The following DAAM2 variants were observed in gnomAD, a reference collection of about 807,000 sequenced individuals.
DAAM2 encodes the protein dishevelled associated activator of morphogenesis 2.
In DAAM2, 39 loss-of-function variants were observed where a neutral mutation model predicts 120.7. That is an observed-to-expected ratio of 0.32 (90% CI 0.25 to 0.42). The LOEUF (loss-of-function observed/expected upper bound fraction) is 0.42, where lower values mean the gene tolerates loss of function less well. DAAM2 is among the 10% of genes least tolerant of loss of function. The pLI is 1.00. For synonymous variants in DAAM2, 488 were observed against 524.9 expected (o/e 0.93, Z 0.96); for missense variants, 1,283 against 1,401.7 (o/e 0.92, Z 1.35).
At chr6:39,892,160 G>A (rs755017880) in intron 19 of DAAM2, among the ~76,000 whole-genome samples, 7 of 152,206 alleles carry the variant, frequency 4.6e-5, no homozygotes, top group Non-Finnish European at 7.3e-5. Flanking sequence ...AATTGCACAA[G>A]CTGATTTCTA....
At chr6:39,809,178 G>T (rs946687681) in intron 1 of DAAM2, among the ~76,000 whole-genome samples, 1 of 152,194 alleles carries the variant, frequency 6.6e-6, no homozygotes, top group Non-Finnish European at 1.5e-5. Context: ...GCCTGCTGGA[G>T]CTGTGCAGGA....
rs756496953 is a variant in DAAM2 at position 39,867,484 on chromosome 6, T to C, written c.429-26T>C. On this transcript the variant is annotated intron_variant, in intron 5 of 24. Coordinates refer to ENST00000274867, the MANE Select transcript of DAAM2 (RefSeq NM_001201427.2). Reference sequence around the variant, plus strand: ...GTACACAGAATCATATGCAAATATATGTTTGTTAATGGCTCTGATTTGTAG... The same window carrying C: ...GTACACAGAATCATATGCAAATATACGTTTGTTAATGGCTCTGATTTGTAG... 3.1e-6 allele frequency: 5 copies of C among 1,606,760 alleles called. No homozygotes were observed. In the South Asian group the frequency reaches 5.5e-5, roughly 18 times the overall value.
Position 39,881,490 on chromosome 6 carries a change from G to A in DAAM2, c.1845+2013G>A, listed in dbSNP as rs536757111. Among the ~76,000 whole-genome samples the A allele has an allele frequency of 2.0e-4, 31 of 152,234 alleles. 1 individual carries two copies. The highest frequency in any genetic ancestry group is 3.9e-4 in the Admixed American group (6 of 15,296). On this transcript the variant is annotated intron_variant, in intron 14 of 24. Transcript: ENST00000274867. The stretch of plus-strand genomic sequence containing the variant: ...TCCCAGCACTTGGGGAGGCCAAGGC[G>A]GGCAGATCACAAGGTCAGGAGTTTG...
intron 1 of DAAM2, among the ~76,000 whole-genome samples, chr6:39,810,069 A>G (rs967949704): frequency 5.9e-5 from 9 of 152,240 alleles, no homozygotes; most frequent in Non-Finnish European, 1.2e-4. Context: ...ATGACAATGC[A>G]TAAAAAGTGC....
At chr6:39,820,701 C>G (rs1042866466) in intron 1 of DAAM2, 2 of 152,192 alleles carry the variant, frequency 1.3e-5, no homozygotes, top group Non-Finnish European at 2.9e-5. Flanking sequence ...CCAGTAGAAT[C>G]AGTTTTGTTC....
intron 1 of DAAM2, among the ~76,000 whole-genome samples, chr6:39,853,911 G>A (rs190941112): frequency 1.3e-5 from 2 of 152,292 alleles, no homozygotes; most frequent in African/African-American, 2.4e-5. Context: ...CAATGGGCAG[G>A]GGACCCCAGG....
chr6:39,829,970 G>A (rs1337408360), intron 1 of DAAM2, among the ~76,000 whole-genome samples: 4 of 152,108 alleles, frequency 2.6e-5, no homozygotes, highest in African/African-American at 7.2e-5. Flanking sequence ...TCCCCACGCT[G>A]AGTTAGAGAC....
At chr6:39,853,580 G>A (rs1459789877) in intron 1 of DAAM2, among the ~76,000 whole-genome samples, 4 of 152,316 alleles carry the variant, frequency 2.6e-5, no homozygotes, top group South Asian at 2.1e-4. Context: ...GTAAACAGCC[G>A]GTGTAAGACT....
intron 1 of DAAM2, among the ~76,000 whole-genome samples, chr6:39,851,270 G>C (rs1763797204): frequency 6.6e-6 from 1 of 152,170 alleles, no homozygotes; most frequent in Non-Finnish European, 1.5e-5. Flanking sequence ...TTTAGAGTCA[G>C]ACAGTCCTGG....
At chr6:39,824,364 T>G (rs1173053128) in intron 1 of DAAM2, among the ~76,000 whole-genome samples, 2 of 152,200 alleles carry the variant, frequency 1.3e-5, no homozygotes. Context: ...ACCTGTTGGT[T>G]GCTGTGGCAT....
At position 39,901,234 on chromosome 6, in the gene DAAM2, T is replaced by C; in HGVS notation, c.2812-68T>C. On this transcript the variant is annotated intron_variant, in intron 23 of 24. Transcript: ENST00000274867. This position sits in a 1 kb window ranked among gnomAD's most constrained non-coding sequence, Gnocchi z 4.5. ...GGCTCTGCTCTGGCTAGAACCCAGC[T>C]AACCTCAGGGGCTGAGCCCAGCATG... The C allele has an allele frequency of 6.7e-7, 1 of 1,482,570 alleles. No homozygotes were observed. 91.8% of individuals were successfully genotyped at this position (1,482,570 alleles called of 1,614,324 possible). A position where few individuals can be genotyped will look rare whatever the true frequency, so the allele number is the denominator to read the frequency against.
At chr6:39,857,065 C>A (rs749753070) in intron 2 of DAAM2, among the ~76,000 whole-genome samples, 1 of 152,188 alleles carries the variant, frequency 6.6e-6, no homozygotes, top group South Asian at 2.1e-4. Flanking sequence ...GTGCTGATTC[C>A]GCAATGCCCG....
rs564100682 is a variant in DAAM2 at position 39,846,228 on chromosome 6, T to C, written c.-56-10019T>C. ...TGCACGTACCCAGCCCCAAGAGCAG[T>C]GCCGGGCATACAGTAGGTGCTAAAA... On this transcript the variant is annotated intron_variant, in intron 1 of 24. Coordinates refer to ENST00000274867, the MANE Select transcript of DAAM2 (RefSeq NM_001201427.2). 9.9e-5 allele frequency among the ~76,000 whole-genome samples: 15 copies of C among 152,200 alleles called. No homozygotes were observed. The East Asian group carries it at 2.9e-3, about 29-fold the overall frequency.
At chr6:39,891,522 G>A (rs1023565224) in intron 18 of DAAM2, 75 bp downstream of exon 18, 32 of 1,511,478 alleles carry the variant, frequency 2.1e-5, no homozygotes, top group Non-Finnish European at 2.7e-5. Context: ...TCTGCCAAGA[G>A]GAAGGGGATG....
chr6:39,892,959 C>T (rs1765826034), intron 19 of DAAM2, among the ~76,000 whole-genome samples: 1 of 152,226 alleles, frequency 6.6e-6, no homozygotes, highest in Non-Finnish European at 1.5e-5. Flanking sequence ...CTCTCTATTT[C>T]TAAGGTCTGG....
intron 1 of DAAM2, chr6:39,819,103 G>C (rs990491132): frequency 2.6e-5 from 4 of 152,146 alleles, no homozygotes; most frequent in Admixed American, 2.0e-4. Flanking sequence ...TCAGTGCTTT[G>C]GCCATTTTGC....
intron 1 of DAAM2, among the ~76,000 whole-genome samples, chr6:39,818,128 G>A (rs1450771044): frequency 6.7e-6 from 1 of 149,332 alleles, no homozygotes; most frequent in Non-Finnish European, 1.5e-5. Context: ...GCAGCGAGCC[G>A]AGGTGGCGTC....
intron 1 of DAAM2, among the ~76,000 whole-genome samples, chr6:39,810,398 G>A (rs1582602949): frequency 6.6e-6 from 1 of 152,208 alleles, no homozygotes; most frequent in African/African-American, 2.4e-5. Flanking sequence ...AATAGAAAAA[G>A]CAAATTCTAA....
intron 1 of DAAM2, among the ~76,000 whole-genome samples, chr6:39,846,085 G>A (rs1411366512): frequency 2.0e-5 from 3 of 152,106 alleles, no homozygotes; most frequent in East Asian, 1.9e-4. Context: ...TTAGAAAAAG[G>A]TGCTGAGAAT....
Sources: allele counts gnomAD v4.1 joint callset (sites outside exome capture counted in the v4.1 genomes callset), GRCh38; gene constraint gnomAD v4.1.1; non-coding constraint Gnocchi (gnomAD v3.1); transcripts MANE v1.5; gene names NCBI Gene and HGNC (gene_info 2026-07-23, HGNC 2026-07-21).